The following PCAT7 variants were observed in gnomAD, a reference collection of about 807,000 sequenced individuals.
PCAT7 encodes prostate cancer associated transcript 7.
At chr9:94,557,642 C>A (rs1044972479) in intron 1 of PCAT7, among the ~76,000 whole-genome samples, 1 of 152,208 alleles carries the variant, frequency 6.6e-6, no homozygotes, top group Non-Finnish European at 1.5e-5. Flanking sequence ...CAGGGCCTTG[C>A]CTGGTCCCAC....
chr9:94,556,786 C>T (rs1311007729), intron 1 of PCAT7, among the ~76,000 whole-genome samples: 2 of 152,092 alleles, frequency 1.3e-5, no homozygotes, highest in Non-Finnish European at 1.5e-5. Context: ...GCATTTTATC[C>T]TATGTTTTCT....
At chr9:94,564,650 G>A (rs1024591426) in intron 2 of PCAT7, among the ~76,000 whole-genome samples, 2 of 152,098 alleles carry the variant, frequency 1.3e-5, no homozygotes, top group South Asian at 4.2e-4. Context: ...ACAGACACTG[G>A]GGCCTACGTG....
chr9:94,559,183 C>A, intron 2 of PCAT7: 1 of 1,521,052 alleles, frequency 6.6e-7, no homozygotes. Flanking sequence ...GCCAAATGTC[C>A]CGAGCCATGC....
At chr9:94,554,927 T>G (rs576505994), upstream of PCAT7, 9 of 152,292 alleles carry the variant, frequency 5.9e-5, no homozygotes, top group East Asian at 1.4e-3. Context: ...TATACTGAGG[T>G]TAGGAGACCC....
exon 2 of PCAT7, chr9:94,559,107 G>T (rs1564177802): frequency 1.2e-6 from 2 of 1,613,276 alleles, no homozygotes; most frequent in Admixed American, 1.7e-5. Flanking sequence ...GTAGGCCACG[G>T]GATTGCATTC....
intron 2 of PCAT7, among the ~76,000 whole-genome samples, chr9:94,566,002 T>G (rs181679620): frequency 4.6e-5 from 7 of 152,306 alleles, no homozygotes; most frequent in Admixed American, 2.6e-4. Context: ...AGCCACAGTT[T>G]TAGCAGAAAA....
chr9:94,555,562 T>G (rs1826995805), intron 1 of PCAT7, among the ~76,000 whole-genome samples: 2 of 130,400 alleles, frequency 1.5e-5, no homozygotes, highest in African/African-American at 3.0e-5. Flanking sequence ...AAGGTGGCAA[T>G]TGGGAAGAGG....
chr9:94,567,554 G>A, intron 2 of PCAT7: 1 of 820,984 alleles, frequency 1.2e-6, no homozygotes, highest in Non-Finnish European at 1.9e-6. Flanking sequence ...GCTCTTTGGT[G>A]TTTTCATGAG....
intron 2 of PCAT7, among the ~76,000 whole-genome samples, chr9:94,564,735 A>G (rs10761338): frequency 0.43 from 65,791 of 151,948 alleles, 15,072 homozygotes; most frequent in Admixed American, 0.53. Flanking sequence ...CTGGGAGACA[A>G]ACAATCTATA....
intron 1 of PCAT7, chr9:94,558,588 C>T (rs1466687867): frequency 2.4e-5 from 7 of 291,488 alleles, no homozygotes; most frequent in South Asian, 1.5e-4. Context: ...CCACCGCACC[C>T]AGCTGACAAA....
intron 2 of PCAT7, chr9:94,563,469 A>G: frequency 3.1e-6 from 5 of 1,611,866 alleles, no homozygotes; most frequent in Non-Finnish European, 4.2e-6. Context: ...ATCCTAGAAG[A>G]CAGAAAGCGA....
chr9:94,574,088 G>A (rs1827294549), intron 3 of PCAT7, among the ~76,000 whole-genome samples: 1 of 152,152 alleles, frequency 6.6e-6, no homozygotes, highest in East Asian at 1.9e-4. Flanking sequence ...TGCATGTGGA[G>A]TTGTTTCTAA....
chr9:94,558,683 G>A (rs1827045537), intron 1 of PCAT7: 2 of 435,372 alleles, frequency 4.6e-6, no homozygotes, highest in Non-Finnish European at 8.3e-6. Flanking sequence ...AACCATATTT[G>A]CCACTGTTTC....
Position 94,571,483 on chromosome 9 carries a change from C to T in PCAT7, n.442-1496C>T, listed in dbSNP as rs372755885. Reference sequence around the variant, plus strand: ...CTACCGGGTCAAGCATGAAGAGGTCCACGCCTTGCCCTGTGGAGAGAGCCA... The same window carrying T: ...CTACCGGGTCAAGCATGAAGAGGTCTACGCCTTGCCCTGTGGAGAGAGCCA... On this transcript the variant is annotated intron_variant and non_coding_transcript_variant, in intron 2 of 8. Transcript: ENST00000647389. 9.6e-5 allele frequency: 155 copies of T among 1,612,990 alleles called. 2 individuals carry two copies. The highest frequency in any genetic ancestry group is 1.1e-4 in the Non-Finnish European group (131 of 1,179,582).
chr9:94,573,106 C>A lies in PCAT7; in HGVS notation n.512+57C>A, dbSNP rs561806498. 2.0e-5 allele frequency: 3 copies of A among 152,304 alleles called. 1 individual carries two copies. In the South Asian group the frequency reaches 6.2e-4, roughly 32 times the overall value. The allele number at this position is 152,304 out of a possible 1,614,324, so 9.4% of individuals were successfully genotyped here. A position where few individuals can be genotyped will look rare whatever the true frequency, so the allele number is the denominator to read the frequency against. ...GTGCTGGCTACAACTTTCAGGATTACATATGTTGGGTAACAGTGGCGAGTG... is the reference window on the plus strand; with the variant it reads ...GTGCTGGCTACAACTTTCAGGATTAAATATGTTGGGTAACAGTGGCGAGTG... On this transcript the variant is annotated intron_variant and non_coding_transcript_variant, in intron 3 of 8. Transcript: ENST00000647389.
chr9:94,556,260 G>A (rs1329372369), intron 1 of PCAT7, among the ~76,000 whole-genome samples: 4 of 151,558 alleles, frequency 2.6e-5, no homozygotes, highest in African/African-American at 9.7e-5. Context: ...GACAGCGGGA[G>A]GGGGAAAAAG....
intron 1 of PCAT7, among the ~76,000 whole-genome samples, chr9:94,557,324 A>G (rs1387109293): frequency 6.6e-6 from 1 of 152,218 alleles, no homozygotes; most frequent in Non-Finnish European, 1.5e-5. Context: ...TGATATAGAT[A>G]TTTTAACATT....
At chr9:94,554,606 T>G (rs10993241), upstream of PCAT7, among the ~76,000 whole-genome samples, 100,579 of 151,794 alleles carry the variant, frequency 0.66, 33,658 homozygotes, top group Admixed American at 0.75. Flanking sequence ...GGTCTCTGAT[T>G]TCACCACCAA....
At chr9:94,555,128 GT>G (rs145410254) in exon 1 of PCAT7, 6,203 of 151,824 alleles carry the variant, frequency 0.041, 408 homozygotes, top group African/African-American at 0.14. Context: ...TTTTGTTGTT[GT>G]TTTTTTTGTT....
Sources: gnomAD v4.1 joint callset for allele counts (sites outside exome capture counted in the v4.1 genomes callset) on GRCh38, gnomAD v4.1.1 for gene constraint, MANE v1.5 for transcripts, NCBI Gene and HGNC (gene_info 2026-07-23, HGNC 2026-07-21) for gene names.